CCDC91: variants seen among roughly 807,000 people sequenced by gnomAD.
CCDC91 encodes the protein coiled-coil domain containing 91.
Under a neutral mutation model 63.2 loss-of-function variants are expected in CCDC91, and 48 were observed. That is an observed-to-expected ratio of 0.76 (90% confidence interval 0.60 to 0.97). The LOEUF (loss-of-function observed/expected upper bound fraction) is 0.97. Ranked by LOEUF, CCDC91 falls within the 50% of genes least tolerant of loss-of-function variation. The pLI is 0.00. For missense variants in CCDC91, 500 were observed against 494.6 expected (o/e 1.01, Z -0.10); for synonymous variants, 167 against 165.8 (o/e 1.01, Z -0.06).
chr12:28,504,276 C>A (rs1938422073), intron 12 of CCDC91, among the ~76,000 whole-genome samples: 1 of 151,604 alleles, frequency 6.6e-6, no homozygotes, highest in Non-Finnish European at 1.5e-5. Flanking sequence ...TTTGTACAAT[C>A]CTATACCAAG....
chr12:28,368,203 TGATA>T, intron 7 of CCDC91, among the ~76,000 whole-genome samples: 1 of 152,160 alleles, frequency 6.6e-6, no homozygotes. Flanking sequence ...AACAGAAATA[TGATA>T]GACGTTTCAT....
At chr12:28,210,082 A>C (rs1943126103) in intron 1 of CCDC91, among the ~76,000 whole-genome samples, 1 of 152,180 alleles carries the variant, frequency 6.6e-6, no homozygotes, top group Non-Finnish European at 1.5e-5. Context: ...CTTTAGGACA[A>C]TAATTTACCA....
chr12:28,205,837 G>A (rs1393647037), intron 1 of CCDC91, among the ~76,000 whole-genome samples: 1 of 152,186 alleles, frequency 6.6e-6, no homozygotes, highest in Non-Finnish European at 1.5e-5. Context: ...AAATATACAA[G>A]TATAGAGTCC....
At chr12:28,523,395 A>C (rs2141477172) in intron 12 of CCDC91, among the ~76,000 whole-genome samples, 1 of 151,780 alleles carries the variant, frequency 6.6e-6, no homozygotes, top group African/African-American at 2.4e-5. Context: ...TAGGATTGCA[A>C]CCCCTGCCTT....
At chr12:28,413,378 C>T (rs1947440556) in intron 8 of CCDC91, among the ~76,000 whole-genome samples, 1 of 152,020 alleles carries the variant, frequency 6.6e-6, no homozygotes, top group Admixed American at 6.5e-5. Flanking sequence ...TGCCTCTTCT[C>T]CCTCCTCATG....
intron 6 of CCDC91, 137 bp downstream of exon 6, chr12:28,307,886 G>A (rs377131405): frequency 1.4e-5 from 8 of 586,768 alleles, no homozygotes; most frequent in African/African-American, 1.2e-4. Context: ...GACCAACATG[G>A]GCTAAATTAA....
intron 1 of CCDC91, among the ~76,000 whole-genome samples, chr12:28,253,354 A>C (rs1401436174): frequency 6.6e-6 from 1 of 152,020 alleles, no homozygotes; most frequent in Non-Finnish European, 1.5e-5. Context: ...CCAAGATATA[A>C]CTTCACCTAG....
intron 6 of CCDC91, among the ~76,000 whole-genome samples, chr12:28,313,352 G>A (rs958723744): frequency 3.9e-5 from 6 of 151,910 alleles, no homozygotes; most frequent in Non-Finnish European, 7.4e-5. Flanking sequence ...TCTGGAAAAT[G>A]TGGACAATAT....
chr12:28,280,253 A>C (rs1244522972), intron 3 of CCDC91, among the ~76,000 whole-genome samples: 3 of 152,128 alleles, frequency 2.0e-5, no homozygotes, highest in Non-Finnish European at 2.9e-5. Context: ...CAGTTGAATA[A>C]ATCTTTTATG....
intron 8 of CCDC91, among the ~76,000 whole-genome samples, chr12:28,393,846 CT>C (rs1946103653): frequency 6.6e-6 from 1 of 151,890 alleles, no homozygotes; most frequent in African/African-American, 2.4e-5. Context: ...CAAAAGTGGC[CT>C]ATTATGGAGT....
chr12:28,333,695 T>TGG (rs1941698158), intron 6 of CCDC91, among the ~76,000 whole-genome samples: 2 of 152,146 alleles, frequency 1.3e-5, no homozygotes, highest in Non-Finnish European at 2.9e-5. Context: ...TACTTGAAAA[T>TGG]CTATTCTTGA....
intron 6 of CCDC91, among the ~76,000 whole-genome samples, chr12:28,346,823 G>T (rs564253764): frequency 6.6e-6 from 1 of 152,238 alleles, no homozygotes; most frequent in East Asian, 1.9e-4. Flanking sequence ...TTGGCCATTG[G>T]TGATCAACTT....
intron 12 of CCDC91, among the ~76,000 whole-genome samples, chr12:28,500,957 G>A (rs1033697743): frequency 6.6e-6 from 1 of 151,458 alleles, no homozygotes; most frequent in African/African-American, 2.4e-5. Context: ...TATACTTCAG[G>A]TTCTTCAATT....
chr12:28,347,616 A>G (rs868318599), intron 6 of CCDC91, among the ~76,000 whole-genome samples: 5 of 152,304 alleles, frequency 3.3e-5, no homozygotes, highest in African/African-American at 1.2e-4. Flanking sequence ...GATGGGGGTG[A>G]AGATGTAACC....
intron 10 of CCDC91, among the ~76,000 whole-genome samples, chr12:28,450,791 TA>T (rs1249935385): frequency 6.6e-6 from 1 of 151,810 alleles, no homozygotes; most frequent in Non-Finnish European, 1.5e-5. Context: ...CATGTATTCA[TA>T]GATATAAAAT....
chr12:28,519,294 GTTTGTTTTGTTTTGT>G (rs150466852), intron 12 of CCDC91, among the ~76,000 whole-genome samples: 3 of 150,934 alleles, frequency 2.0e-5, no homozygotes, highest in Non-Finnish European at 4.4e-5. Context: ...TAAGTTGTTT[GTTTGTTTTGTTTTGT>G]TTTGTTTTGT....
At chr12:28,448,345 C>A (rs559376916) in intron 8 of CCDC91, among the ~76,000 whole-genome samples, 1 of 152,166 alleles carries the variant, frequency 6.6e-6, no homozygotes, top group Admixed American at 6.5e-5. Context: ...ATGAGAAAAG[C>A]CAGTAACCCA....
chr12:28,276,453 C>T (rs1948232101), intron 3 of CCDC91, among the ~76,000 whole-genome samples: 1 of 151,922 alleles, frequency 6.6e-6, no homozygotes, highest in Admixed American at 6.6e-5. Context: ...TATTTTCTTT[C>T]TCTTAATGGG....
intron 7 of CCDC91, among the ~76,000 whole-genome samples, chr12:28,364,719 C>T (rs372411372): frequency 1.6e-5 from 2 of 125,198 alleles, no homozygotes; most frequent in Non-Finnish European, 3.7e-5. Flanking sequence ...GAGAAGCATA[C>T]GGTAAAATAA....
Sources: gnomAD v4.1 joint callset for allele counts (sites outside exome capture counted in the v4.1 genomes callset) on GRCh38, gnomAD v4.1.1 for gene constraint, MANE v1.5 for transcripts, NCBI Gene and HGNC (gene_info 2026-07-23, HGNC 2026-07-21) for gene names.